CDC14B: variants seen among roughly 807,000 people sequenced by gnomAD.
CDC14B encodes cell division cycle 14B, also known as dual specificity protein phosphatase CDC14B.
A neutral mutation model predicts 64.2 loss-of-function variants in CDC14B; 22 were observed. That is an observed-to-expected ratio of 0.34 (90% CI 0.24 to 0.49). The LOEUF (loss-of-function observed/expected upper bound fraction) is 0.49, where lower values mean the gene tolerates loss of function less well. Ranked by LOEUF, CDC14B falls within the 20% of genes least tolerant of loss-of-function variation. The probability of loss-of-function intolerance (pLI) is 0.99; values close to 1 mark genes in which losing one functional copy is unlikely to be tolerated. For missense variants in CDC14B, 498 were observed against 629.9 expected, an observed-to-expected ratio of 0.79 and a Z score of 2.24; for synonymous variants, 191 against 215.8, an observed-to-expected ratio of 0.89 and a Z score of 1.01.
rs79293157 is a variant in CDC14B at position 96,515,116 on chromosome 9, C to G, written c.1344-5327G>C. 2.0e-5 allele frequency among the ~76,000 whole-genome samples: 3 copies of G among 152,324 alleles called. No individual in the cohort carries two copies. Among genetic ancestry groups the G allele is most frequent in the South Asian group, 2.1e-4 (1 of 4,832 alleles). ...GGAAAATGAGACAGAGCAGGAAATT[C>G]TGCACACTAAAGAGAGAAGACTTAT... On this transcript the variant is annotated intron_variant, in intron 12 of 13. Transcript: ENST00000375241. This position sits in a 1 kb window ranked among gnomAD's most constrained non-coding sequence, Gnocchi z 4.3.
chr9:96,610,988 C>G (rs1428584200), intron 1 of CDC14B, among the ~76,000 whole-genome samples: 1 of 150,330 alleles, frequency 6.7e-6, no homozygotes, highest in Non-Finnish European at 1.5e-5. Flanking sequence ...CCAAGAATGA[C>G]AACTAACAGA....
In CDC14B at chr9:96,562,674, T is replaced by G; in HGVS notation, c.420+19A>C. On this transcript the variant is annotated intron_variant, in intron 4 of 13. Transcript: ENST00000375241. Reference sequence around the variant, plus strand: ...GTTGTGTGCATTTTTATGAATACATTAGGAAAACAAATACTTACCATGTAG... The same window carrying G: ...GTTGTGTGCATTTTTATGAATACATGAGGAAAACAAATACTTACCATGTAG... The G allele has an allele frequency of 6.5e-7, 1 of 1,529,886 alleles. No homozygotes were observed. The highest frequency in any genetic ancestry group is 9.1e-7 in the Non-Finnish European group (1 of 1,104,054). The allele number at this position is 1,529,886 out of a possible 1,614,324, so 94.8% of individuals were successfully genotyped here.
chr9:96,538,021 A>AT (rs1839529532), intron 7 of CDC14B, among the ~76,000 whole-genome samples: 1 of 151,990 alleles, frequency 6.6e-6, no homozygotes, highest in South Asian at 2.1e-4. Context: ...CGCCTGGCAG[A>AT]TTTTTCCTTT....
At chr9:96,552,023 A>G (rs1841906288) in intron 4 of CDC14B, 151 bp from the exon 5 acceptor site, 1 of 1,073,394 alleles carries the variant, frequency 9.3e-7, no homozygotes, top group African/African-American at 1.6e-5. Flanking sequence ...AATCCTGTCC[A>G]TAGATTTCTT....
chr9:96,575,444 A>G (rs1471330834), intron 1 of CDC14B, among the ~76,000 whole-genome samples: 2 of 152,186 alleles, frequency 1.3e-5, no homozygotes, highest in East Asian at 1.9e-4. Flanking sequence ...ACTCATTTGT[A>G]TCTCTGAAAT....
At chr9:96,494,145 T>C (rs993922813) in intron 13 of CDC14B, among the ~76,000 whole-genome samples, 1 of 152,240 alleles carries the variant, frequency 6.6e-6, no homozygotes, top group African/African-American at 2.4e-5. Flanking sequence ...TCTTTCTTGC[T>C]ACCTGGCTAC....
At chr9:96,549,717 C>T (rs1841525100) in intron 5 of CDC14B, among the ~76,000 whole-genome samples, 1 of 151,712 alleles carries the variant, frequency 6.6e-6, no homozygotes, top group Admixed American at 6.6e-5. Context: ...CTAGTATCTA[C>T]AATAGAAGAG....
chr9:96,557,705 C>T (rs1391086218), intron 4 of CDC14B, among the ~76,000 whole-genome samples: 2 of 152,086 alleles, frequency 1.3e-5, no homozygotes, highest in Non-Finnish European at 2.9e-5. Context: ...TAAATGCTTA[C>T]AAGGTAAGCC....
At chr9:96,523,475 C>T in intron 10 of CDC14B, 55 bp from the exon 11 acceptor site, 5 of 1,602,708 alleles carry the variant, frequency 3.1e-6, no homozygotes, top group Non-Finnish European at 4.3e-6. Flanking sequence ...ACATGAACAA[C>T]TTCTTCCTAC....
chr9:96,565,498 T>A lies in CDC14B; in HGVS notation c.161-15A>T, dbSNP rs1310095285. 4.5e-6 allele frequency: 7 copies of A among 1,545,318 alleles called. No individual in the cohort carries two copies. In the South Asian group the frequency reaches 7.8e-5, roughly 17 times the overall value. On this transcript the variant is annotated splice_polypyrimidine_tract_variant and intron_variant, in intron 1 of 13. Coordinates refer to ENST00000375241, the MANE Select transcript of CDC14B (RefSeq NM_033331.4). ...ACAAAGGCGATCTGAAATGGAAAAA[T>A]TGCAATGTTCCTTCCTGGAGGTTAC... is the stretch of plus-strand genomic sequence containing the variant.
At chr9:96,560,807 A>T (rs1382267349) in intron 4 of CDC14B, among the ~76,000 whole-genome samples, 1 of 151,366 alleles carries the variant, frequency 6.6e-6, no homozygotes, top group Admixed American at 6.6e-5. Context: ...AGAAACACCA[A>T]GAGAGGCTGG....
chr9:96,507,564 C>A (rs895434655), intron 13 of CDC14B, among the ~76,000 whole-genome samples: 60 of 151,632 alleles, frequency 4.0e-4, no homozygotes, highest in African/African-American at 1.5e-3. Context: ...TACAGGCACC[C>A]GCCACTGCAC....
intron 1 of CDC14B, among the ~76,000 whole-genome samples, chr9:96,612,514 T>G (rs1490026047): frequency 6.6e-6 from 1 of 152,230 alleles, no homozygotes; most frequent in East Asian, 1.9e-4. Flanking sequence ...AAAAGGTTAC[T>G]AATAATCTGT....
In CDC14B at chr9:96,515,813, A is replaced by G. The variant is rs775994840; in HGVS notation, c.1344-6024T>C. On this transcript the variant is annotated intron_variant, in intron 12 of 13. Coordinates refer to ENST00000375241, the MANE Select transcript of CDC14B (RefSeq NM_033331.4). This position sits in a 1 kb window ranked among gnomAD's most constrained non-coding sequence, Gnocchi z 4.3. The stretch of plus-strand genomic sequence containing the variant: ...GACATCTGGAAAGGGGTGAAGGGGA[A>G]AGAACAGATGTTCAAATTGGGAAGC... The G allele has an allele frequency of 6.4e-7, 1 of 1,567,540 alleles. No individual in the cohort carries two copies.
At chr9:96,617,735 A>T (rs1474127399) in intron 1 of CDC14B, among the ~76,000 whole-genome samples, 1 of 152,208 alleles carries the variant, frequency 6.6e-6, no homozygotes, top group African/African-American at 2.4e-5. Flanking sequence ...AGACTGTGAG[A>T]CCAACTTTTC....
In CDC14B at chr9:96,594,714, CAAAAAAAAAAAA is replaced by C. The variant is rs11414625; in HGVS notation, c.160+24493_160+24504del. Among the ~76,000 whole-genome samples, 4 of 42,418 alleles carry C rather than the reference CAAAAAAAAAAAA, an allele frequency of 9.4e-5. No homozygotes were observed. In the East Asian group the frequency reaches 2.2e-3, roughly 24 times the overall value. The allele number at this position is 42,418 out of a possible 152,430, so 27.8% of individuals were successfully genotyped here. On this transcript the variant is annotated intron_variant, in intron 1 of 13. Coordinates refer to ENST00000375241, the MANE Select transcript of CDC14B (RefSeq NM_033331.4). ...CCTGGGCAACAGAGCAAGGCTGTCT[CAAAAAAAAAAAA>C]AAAAAAAAAAAAGCCCAGGAGAGAA... is the stretch of plus-strand genomic sequence containing the variant.
downstream of CDC14B, chr9:96,496,152 A>G (rs1464313491): frequency 2.7e-6 from 1 of 375,946 alleles, no homozygotes; most frequent in Non-Finnish European, 5.3e-6. Context: ...GCCCACCTAA[A>G]GGAAGGCCCT....
intron 1 of CDC14B, among the ~76,000 whole-genome samples, chr9:96,578,879 C>T (rs1002360064): frequency 6.6e-6 from 1 of 152,150 alleles, no homozygotes; most frequent in Non-Finnish European, 1.5e-5. Context: ...AGTGCAATGC[C>T]GCGATCTCGG....
At chr9:96,544,955 C>T (rs1013885364) in intron 5 of CDC14B, among the ~76,000 whole-genome samples, 1 of 152,174 alleles carries the variant, frequency 6.6e-6, no homozygotes, top group Non-Finnish European at 1.5e-5. Flanking sequence ...GGACTTCCAG[C>T]AGTGGTCCCC....
Sources: allele counts gnomAD v4.1 joint callset (sites outside exome capture counted in the v4.1 genomes callset), GRCh38; gene constraint gnomAD v4.1.1; non-coding constraint Gnocchi (gnomAD v3.1); transcripts MANE v1.5; gene names NCBI Gene and HGNC (gene_info 2026-07-23, HGNC 2026-07-21).